PLCE1: variants seen among roughly 807,000 people sequenced by gnomAD.
The protein encoded by PLCE1 is phospholipase C epsilon 1, also known as 1-phosphatidylinositol 4,5-bisphosphate phosphodiesterase epsilon-1.
A neutral mutation model predicts 242.8 loss-of-function variants in PLCE1; 119 were observed. The ratio of observed to expected loss-of-function variants is 0.49; its 90% confidence interval spans 0.42 to 0.57. PLCE1 has a LOEUF of 0.57. PLCE1 is among the 20% of genes least tolerant of loss of function. The pLI is 0.00. For synonymous variants in PLCE1, 945 were observed against 1,017.4 expected (o/e 0.93, Z 1.35); for missense variants, 2,441 against 2,788.8 (o/e 0.88, Z 2.81).
At chr10:94,152,542 G>GTGA in intron 3 of PLCE1, among the ~76,000 whole-genome samples, 1 of 152,212 alleles carries the variant, frequency 6.6e-6, no homozygotes, top group Non-Finnish European at 1.5e-5. Context: ...GGAGTCACCT[G>GTGA]CATGTGATTC....
At chr10:94,279,586 T>C (rs543840659) in intron 19 of PLCE1, 196 bp from the exon 20 acceptor site, 45 of 623,352 alleles carry the variant, frequency 7.2e-5, no homozygotes, top group Non-Finnish European at 1.2e-4. Context: ...GGATTCTTCC[T>C]GTAGGAATGC....
chr10:94,051,236 A>G (rs2043754824), intron 2 of PLCE1, among the ~76,000 whole-genome samples: 1 of 149,538 alleles, frequency 6.7e-6, no homozygotes, highest in African/African-American at 2.5e-5. Flanking sequence ...AAGCCAAACA[A>G]ATAAGACTTT....
At position 94,252,331 on chromosome 10, in the gene PLCE1, G is replaced by T; in HGVS notation, c.3112G>T (p.Glu1038Ter). The T allele has an allele frequency of 6.2e-7, 1 of 1,614,130 alleles. No individual in the cohort carries two copies. The highest frequency in any genetic ancestry group is 8.5e-7 in the Non-Finnish European group (1 of 1,180,002). ...VSLYQEDGRY[E>*]GPTLAHAVEL... ...TCTTTCACAGGAGGATGGACGGTAT[G>T]AAGGCCCAACTTTGGCTCACGCTGT... The change falls in exon 9 of 33, where the codon GAA becomes TAA. Residue 1038 changes from glutamate to a stop codon, truncating the protein, a stop_gained. Transcript: ENST00000371380. LOFTEE classifies it high-confidence loss of function.
intron 32 of PLCE1, among the ~76,000 whole-genome samples, chr10:94,327,296 A>C (rs2054059497): frequency 1.3e-5 from 2 of 151,312 alleles, no homozygotes; most frequent in Non-Finnish European, 2.9e-5. Flanking sequence ...TCATAAGAAA[A>C]GAAGTTTAGA....
chr10:94,238,741 T>C (rs2050405447), intron 7 of PLCE1, among the ~76,000 whole-genome samples: 1 of 152,156 alleles, frequency 6.6e-6, no homozygotes, highest in African/African-American at 2.4e-5. Flanking sequence ...ATGAGGAGTA[T>C]GAAGGTGTGT....
chr10:94,245,822 G>A, intron 7 of PLCE1, 124 bp from the exon 8 acceptor site: 2 of 814,860 alleles, frequency 2.5e-6, no homozygotes, highest in Non-Finnish European at 4.2e-6. Context: ...TTAGTATTTT[G>A]TATTTCCTAT....
intron 2 of PLCE1, among the ~76,000 whole-genome samples, chr10:94,124,343 A>G (rs1271066000): frequency 6.7e-6 from 1 of 150,294 alleles, no homozygotes; most frequent in East Asian, 2.0e-4. Context: ...GTGCCACTGC[A>G]CTCCAGCCTG....
chr10:94,007,772 C>T lies in PLCE1; in HGVS notation c.-365+13514C>T, dbSNP rs1274168066. The stretch of plus-strand genomic sequence containing the variant: ...TTATAGACTTTTTTCTATGTATTTA[C>T]ATAGTTACACACATGCACATGCACA... On this transcript the variant is annotated intron_variant, in intron 1 of 32. Transcript: ENST00000371380. Among the ~76,000 whole-genome samples, 3 of 119,942 alleles carry T rather than the reference C, an allele frequency of 2.5e-5. No individual in the cohort carries two copies. In the East Asian group the frequency reaches 8.1e-4, roughly 33 times the overall value. 78.7% of individuals were successfully genotyped at this position (119,942 alleles called of 152,430 possible). A position where few individuals can be genotyped will look rare whatever the true frequency, so the allele number is the denominator to read the frequency against.
chr10:94,102,847 A>G lies in PLCE1; in HGVS notation c.1207-29327A>G, dbSNP rs113162662. Among the ~76,000 whole-genome samples the G allele has an allele frequency of 2.2e-3, 335 of 152,354 alleles. 2 individuals are homozygous for G. Among genetic ancestry groups the G allele is most frequent in the African/African-American group, 7.6e-3 (318 of 41,590 alleles). On this transcript the variant is annotated intron_variant, in intron 2 of 32. Coordinates refer to ENST00000371380, the MANE Select transcript of PLCE1 (RefSeq NM_016341.4). ...GCGGCTCTTTGACCAAAGCATCCCA[A>G]TGTGAAATCCGTCTACAAAAAGCCC...
At chr10:94,158,369 T>C (rs1431548037) in intron 3 of PLCE1, among the ~76,000 whole-genome samples, 1 of 152,182 alleles carries the variant, frequency 6.6e-6, no homozygotes, top group Non-Finnish European at 1.5e-5. Flanking sequence ...CACACTATTA[T>C]AACTTACTGT....
chr10:94,262,001 CTTTT>C (rs72217756), intron 13 of PLCE1, among the ~76,000 whole-genome samples: 2 of 135,248 alleles, frequency 1.5e-5, no homozygotes, highest in African/African-American at 2.8e-5. Flanking sequence ...TCTTCTTTTC[CTTTT>C]TTTTTTTTTT....
In PLCE1 at chr10:94,031,088, G is replaced by A; in HGVS notation, c.42G>A (p.Val14=). ...EEMTASVLIP[V]TQRKVVSAQS... ...TGACAGCTTCTGTTCTCATACCTGT[G>A]ACTCAGAGAAAAGTGGTTTCTGCCC... Residue 14 remains valine, a synonymous_variant, in exon 2 of 33, where the codon GTG becomes GTA. Transcript: ENST00000371380. 6.2e-7 allele frequency: 1 copy of A among 1,613,644 alleles called. No homozygotes were observed. Among genetic ancestry groups the A allele is most frequent in the Non-Finnish European group, 8.5e-7 (1 of 1,179,662 alleles).
At chr10:94,142,456 C>G (rs1264453810) in intron 3 of PLCE1, among the ~76,000 whole-genome samples, 1 of 151,980 alleles carries the variant, frequency 6.6e-6, no homozygotes, top group Admixed American at 6.6e-5. Context: ...GAATTTGAAG[C>G]TGCAGTGCGC....
At chr10:94,304,997 C>T (rs1215160819) in intron 25 of PLCE1, among the ~76,000 whole-genome samples, 2 of 152,184 alleles carry the variant, frequency 1.3e-5, no homozygotes, top group East Asian at 1.9e-4. Context: ...CTTCAAAGCT[C>T]TAAGATCAAA....
chr10:94,080,939 T>TCTCTC (rs1383113664), intron 2 of PLCE1, among the ~76,000 whole-genome samples: 9 of 152,186 alleles, frequency 5.9e-5, no homozygotes, highest in African/African-American at 2.2e-4. Flanking sequence ...AAGCTCCTAC[T>TCTCTC]CTCTCCTCTC....
intron 4 of PLCE1, among the ~76,000 whole-genome samples, chr10:94,180,412 T>C (rs1363562767): frequency 1.3e-5 from 2 of 152,114 alleles, no homozygotes; most frequent in Non-Finnish European, 2.9e-5. Context: ...TGGGGGATAA[T>C]TTATCATTTC....
intron 4 of PLCE1, among the ~76,000 whole-genome samples, chr10:94,199,808 C>T (rs937411894): frequency 2.6e-5 from 4 of 152,020 alleles, no homozygotes; most frequent in African/African-American, 2.4e-5. Context: ...GACAATGTGA[C>T]GTGCTGTGGA....
chr10:94,149,648 C>A (rs1243235491), intron 3 of PLCE1, among the ~76,000 whole-genome samples: 3 of 152,140 alleles, frequency 2.0e-5, no homozygotes, highest in Admixed American at 1.3e-4. Context: ...TTAATCTTTT[C>A]TCCTCTGCCT....
chr10:93,994,469 G>C (rs920713007), intron 1 of PLCE1, among the ~76,000 whole-genome samples: 1 of 152,278 alleles, frequency 6.6e-6, no homozygotes, highest in African/African-American at 2.4e-5. Context: ...CACCCTGCCA[G>C]TGCCTTCACT....
Sources: allele counts gnomAD v4.1 joint callset (sites outside exome capture counted in the v4.1 genomes callset), GRCh38; gene constraint gnomAD v4.1.1; transcripts MANE v1.5; gene names NCBI Gene and HGNC (gene_info 2026-07-23, HGNC 2026-07-21).